The following CASC3 variants were observed in gnomAD, a reference collection of about 807,000 sequenced individuals.
CASC3 encodes CASC3 exon junction complex subunit.
CASC3 carries 30 observed loss-of-function variants against 80.5 expected under a neutral mutation model. The observed-to-expected ratio is 0.37, with a 90% CI of 0.28 to 0.51. The LOEUF (loss-of-function observed/expected upper bound fraction) is 0.51, where lower values mean the gene tolerates loss of function less well. Ranked by LOEUF, CASC3 falls within the 20% of genes least tolerant of loss-of-function variation. The probability of loss-of-function intolerance (pLI) is 0.94; values close to 1 mark genes in which losing one functional copy is unlikely to be tolerated. For synonymous variants in CASC3, 312 were observed against 333.6 expected, an observed-to-expected ratio of 0.94 and a Z score of 0.70; for missense variants, 824 against 922.2, an observed-to-expected ratio of 0.89 and a Z score of 1.38.
intron 10 of CASC3, 23 bp from the exon 11 acceptor site, chr17:40,168,180 G>C: frequency 6.2e-7 from 1 of 1,604,508 alleles, no homozygotes; most frequent in East Asian, 2.2e-5. Flanking sequence ...TTATTTTTCA[G>C]TTTTTTTCTT....
chr17:40,140,772 C>T lies in CASC3; in HGVS notation c.224C>T (p.Ser75Leu), dbSNP rs1315065108. 14 of 1,113,596 alleles carry T rather than the reference C, an allele frequency of 1.3e-5. No individual in the cohort carries two copies. The highest frequency in any genetic ancestry group is 4.3e-5 in the Admixed American group (1 of 23,144). 69.0% of individuals were successfully genotyped at this position (1,113,596 alleles called of 1,614,324 possible). A position where few individuals can be genotyped will look rare whatever the true frequency, so the allele number is the denominator to read the frequency against. ...GGGGGCGCCAAGAGTGCTGAGGAGT[C>T]GGAGTGTGTGAGTGCGCGCAGGCGG... Reference protein sequence around the residue: ...ESGGAKSAEESECESEDGIEG... With the variant: ...ESGGAKSAEELECESEDGIEG... The change falls in exon 1 of 14, where the codon TCG becomes TTG. Residue 75 changes from serine to leucine, a missense_variant. By Grantham distance (145) the Ser-to-Leu change is moderately radical. Transcript: ENST00000264645.
At chr17:40,168,834 C>T (rs929496897) in intron 11 of CASC3, 2 of 221,406 alleles carry the variant, frequency 9.0e-6, no homozygotes, top group African/African-American at 4.7e-5. Context: ...AACCGATCCA[C>T]CTGCCTCGGC....
intron 3 of CASC3, among the ~76,000 whole-genome samples, chr17:40,145,534 G>A (rs1988837685): frequency 6.6e-6 from 1 of 152,050 alleles, no homozygotes. Flanking sequence ...TGGGAACTTG[G>A]GAGTAATTAG....
intron 3 of CASC3, among the ~76,000 whole-genome samples, chr17:40,146,577 C>G (rs183305895): frequency 2.0e-5 from 3 of 151,742 alleles, no homozygotes; most frequent in Non-Finnish European, 2.9e-5. Context: ...GCTGGGATTA[C>G]AGGCGCACGC....
intron 3 of CASC3, among the ~76,000 whole-genome samples, chr17:40,157,922 C>T (rs974566555): frequency 6.6e-6 from 1 of 152,110 alleles, no homozygotes; most frequent in Admixed American, 6.6e-5. Flanking sequence ...ACATACTATT[C>T]AGTGGAAGTG....
Position 40,162,765 on chromosome 17 carries a change from C to T in CASC3, c.649C>T (p.Arg217Cys), listed in dbSNP as rs1193655724. Reference protein sequence around the residue: ...RQRKLWKDEGRWEHDKFREDE... With the variant: ...RQRKLWKDEGCWEHDKFREDE... Reference sequence around the variant, plus strand: ...GCGAAAGCTATGGAAGGATGAGGGTCGCTGGGAGCATGACAAGTTCCGGGA... The same window carrying T: ...GCGAAAGCTATGGAAGGATGAGGGTTGCTGGGAGCATGACAAGTTCCGGGA... Residue 217 changes from arginine (R) to cysteine (C), a missense_variant, in exon 6 of 14, where the codon CGC (arginine) becomes TGC (cysteine). By Grantham distance (180) the Arg-to-Cys change is radical. Around this residue, in one of 3 missense-constraint regions of CASC3, gnomAD observed 201 missense variants for 294.1 expected, o/e 0.68. Coordinates refer to ENST00000264645, the MANE Select transcript of CASC3 (RefSeq NM_007359.5). The T allele has an allele frequency of 1.1e-5, 18 of 1,613,870 alleles. No homozygotes were observed. Among genetic ancestry groups the T allele is most frequent in the Admixed American group, 1.7e-5 (1 of 59,970 alleles).
chr17:40,145,524 T>C (rs1567676413), intron 3 of CASC3, among the ~76,000 whole-genome samples: 1 of 151,896 alleles, frequency 6.6e-6, no homozygotes, highest in East Asian at 1.9e-4. Flanking sequence ...AGAGAGCGTT[T>C]GGGAACTTGG....
chr17:40,150,553 A>T (rs933216628), intron 3 of CASC3, among the ~76,000 whole-genome samples: 1 of 152,012 alleles, frequency 6.6e-6, no homozygotes, highest in Non-Finnish European at 1.5e-5. Context: ...GGATGTTACT[A>T]GTAGTGATTG....
chr17:40,171,928 G>T lies in CASC3; in HGVS notation c.*1523G>T. Reference sequence around the variant, plus strand: ...TAAGAGATTCTTCTAGGGGTAGCTGGTGGTTGTGCCTTTTGTAGGCTGTTC... The same window carrying T: ...TAAGAGATTCTTCTAGGGGTAGCTGTTGGTTGTGCCTTTTGTAGGCTGTTC... On this transcript the variant is annotated 3_prime_UTR_variant, in exon 14 of 14. Coordinates refer to ENST00000264645, the MANE Select transcript of CASC3 (RefSeq NM_007359.5). The T allele has an allele frequency of 2.4e-6, 3 of 1,268,454 alleles. No individual in the cohort carries two copies. Among genetic ancestry groups the T allele is most frequent in the Non-Finnish European group, 3.1e-6 (3 of 977,894 alleles). The allele number at this position is 1,268,454 out of a possible 1,614,324, so 78.6% of individuals were successfully genotyped here.
intron 3 of CASC3, among the ~76,000 whole-genome samples, chr17:40,143,701 G>A (rs757359453): frequency 1.3e-5 from 2 of 151,180 alleles, no homozygotes; most frequent in African/African-American, 2.4e-5. Flanking sequence ...GTGCTTGCAC[G>A]CCCCTGTAGT....
intron 3 of CASC3, among the ~76,000 whole-genome samples, chr17:40,142,441 G>A (rs564757985): frequency 1.3e-5 from 2 of 152,312 alleles, no homozygotes; most frequent in Admixed American, 6.5e-5. Flanking sequence ...AGTTGGCTGG[G>A]TAAGATGTGT....
rs545042755 is a variant in CASC3, at chr17:40,152,934, G to T, written c.298-8819G>T. On this transcript the variant is annotated intron_variant, in intron 3 of 13. Transcript: ENST00000264645. ...TGGGATTACAAGCGCCCACCACCACGCCCGGCTAATTTTTTTATTTTTAGT... is the reference window on the plus strand; with the variant it reads ...TGGGATTACAAGCGCCCACCACCACTCCCGGCTAATTTTTTTATTTTTAGT... Among the ~76,000 whole-genome samples the T allele has an allele frequency of 8.6e-5, 13 of 151,606 alleles. No individual in the cohort carries two copies. In the South Asian group the frequency reaches 1.0e-3, roughly 12 times the overall value.
chr17:40,140,601 C>T lies in CASC3; in HGVS notation c.53C>T (p.Ser18Phe), dbSNP rs758684260. The T allele has an allele frequency of 3.1e-6, 5 of 1,610,922 alleles. No homozygotes were observed. The highest frequency in any genetic ancestry group is 4.2e-6 in the Non-Finnish European group (5 of 1,179,526). ...RASQDTEDEE[S>F]GASGSDSGGS... ...TCGCAAGACACCGAGGACGAGGAAT[C>T]TGGTGCTTCGGGCTCCGACAGCGGC... The change falls in exon 1 of 14, where the codon TCT (serine) becomes TTT (phenylalanine). Residue 18 changes from serine to phenylalanine, a missense_variant. Transcript: ENST00000264645.
intron 3 of CASC3, among the ~76,000 whole-genome samples, chr17:40,142,469 A>G (rs1461506109): frequency 6.6e-6 from 1 of 152,232 alleles, no homozygotes; most frequent in Non-Finnish European, 1.5e-5. Flanking sequence ...AGAGAGAACA[A>G]CAGTCAAGAA....
At chr17:40,163,282 G>T (rs1422029025) in intron 6 of CASC3, among the ~76,000 whole-genome samples, 199 bp from the exon 7 acceptor site, 2 of 151,910 alleles carry the variant, frequency 1.3e-5, no homozygotes, top group Admixed American at 1.3e-4. Flanking sequence ...TTACAGGCGC[G>T]TACTATCGCG....
In CASC3 at chr17:40,171,614, G is replaced by A; in HGVS notation, c.*1209G>A. The stretch of plus-strand genomic sequence containing the variant: ...CCTAAGGAAGCCAGTCACCTTCTGG[G>A]CAAGGGCTCCTATCTTTCCTCCCTA... On this transcript the variant is annotated 3_prime_UTR_variant, in exon 14 of 14. Coordinates refer to ENST00000264645, the MANE Select transcript of CASC3 (RefSeq NM_007359.5). The A allele has an allele frequency of 1.0e-6, 1 of 991,594 alleles. No individual in the cohort carries two copies. Among genetic ancestry groups the A allele is most frequent in the Non-Finnish European group, 1.2e-6 (1 of 833,384 alleles). The allele number at this position is 991,594 out of a possible 1,614,324, so 61.4% of individuals were successfully genotyped here. A position where few individuals can be genotyped will look rare whatever the true frequency, so the allele number is the denominator to read the frequency against.
Position 40,168,193 on chromosome 17 carries a change from CCTT to C in CASC3, c.1751-9_1751-7del. The C allele has an allele frequency of 6.2e-7, 1 of 1,612,294 alleles. No individual in the cohort carries two copies. The highest frequency in any genetic ancestry group is 1.3e-5 in the African/African-American group (1 of 74,956). ...CTTTATTTTTCAGTTTTTTTCTTCT[CCTT>C]ATCCAGGTTTACATCCCCACCAGAC... is the stretch of plus-strand genomic sequence containing the variant. On this transcript the variant is annotated splice_polypyrimidine_tract_variant and splice_region_variant and intron_variant, in intron 10 of 13. Coordinates refer to ENST00000264645, the MANE Select transcript of CASC3 (RefSeq NM_007359.5).
intron 13 of CASC3, among the ~76,000 whole-genome samples, chr17:40,170,177 G>A (rs937073547): frequency 1.3e-5 from 2 of 152,108 alleles, no homozygotes; most frequent in African/African-American, 4.8e-5. Context: ...AGAAACGATT[G>A]TTAACATGAC....
intron 3 of CASC3, among the ~76,000 whole-genome samples, chr17:40,151,737 C>T (rs535067284): frequency 6.6e-6 from 1 of 151,738 alleles, no homozygotes; most frequent in African/African-American, 2.4e-5. Flanking sequence ...CCCAGTTCTC[C>T]CATCCTTCCC....
Sources: allele counts gnomAD v4.1 joint callset (sites outside exome capture counted in the v4.1 genomes callset), GRCh38; gene constraint gnomAD v4.1.1; regional missense constraint gnomAD v4.1.1; transcripts MANE v1.5; gene names NCBI Gene and HGNC (gene_info 2026-07-23, HGNC 2026-07-21).